CAMK2B: variants seen among roughly 807,000 people sequenced by gnomAD.
The protein encoded by CAMK2B is calcium/calmodulin dependent protein kinase II beta, also known as calcium/calmodulin-dependent protein kinase type II subunit beta.
Under a neutral mutation model 93.7 loss-of-function variants are expected in CAMK2B, and 27 were observed. The ratio of observed to expected loss-of-function variants is 0.29; its 90% CI spans 0.21 to 0.40. The LOEUF is 0.40. Ranked by LOEUF, CAMK2B falls within the 10% of genes least tolerant of loss-of-function variation. The pLI, the probability that CAMK2B is intolerant of heterozygous loss-of-function variation, is 1.00. For missense variants in CAMK2B, 568 were observed against 895.8 expected (o/e 0.63, Z 4.67); for synonymous variants, 374 against 358.8 (o/e 1.04, Z -0.48).
intron 4 of CAMK2B, among the ~76,000 whole-genome samples, chr7:44,255,159 G>A (rs762904409): frequency 1.5e-4 from 23 of 152,134 alleles, no homozygotes; most frequent in Non-Finnish European, 2.9e-4. Context: ...CCTTGGTGGC[G>A]CAGGGTCTTG....
chr7:44,221,463 G>C (rs1048572009), intron 20 of CAMK2B, among the ~76,000 whole-genome samples: 1 of 151,292 alleles, frequency 6.6e-6, no homozygotes, highest in African/African-American at 2.5e-5. Context: ...CCACCCGGAG[G>C]CCGGGGAGGA....
Position 44,287,031 on chromosome 7 carries a change from G to A in CAMK2B, c.66-2806C>T, listed in dbSNP as rs192541442. On this transcript the variant is annotated intron_variant, in intron 1 of 23. Coordinates refer to ENST00000395749, the MANE Select transcript of CAMK2B (RefSeq NM_001220.5). ...GCTCTTGGACACAGGCCTGCAGGTA[G>A]GGTGGAGGGCACCCTCAAGAATAGA... Among the ~76,000 whole-genome samples the A allele has an allele frequency of 6.2e-3, 939 of 152,248 alleles. 14 individuals are homozygous for A. The highest frequency in any genetic ancestry group is 0.022 in the African/African-American group (898 of 41,548).
At chr7:44,310,361 G>A (rs1793206223) in intron 1 of CAMK2B, among the ~76,000 whole-genome samples, 1 of 152,216 alleles carries the variant, frequency 6.6e-6, no homozygotes, top group South Asian at 2.1e-4. Flanking sequence ...GGGGCCGGAA[G>A]GGACTGGAGA....
At chr7:44,240,895 G>GAGCTCCAGGA (rs2096671708) in intron 11 of CAMK2B, 146 bp from the exon 12 acceptor site, 2 of 793,396 alleles carry the variant, frequency 2.5e-6, no homozygotes. Flanking sequence ...AGAGAGGCAA[G>GAGCTCCAGGA]AGCTCCAGGA....
intron 3 of CAMK2B, among the ~76,000 whole-genome samples, chr7:44,259,826 GAAC>G (rs758605847): frequency 5.3e-5 from 8 of 152,308 alleles, no homozygotes; most frequent in Non-Finnish European, 1.0e-4. Context: ...ATGATTGCTA[GAAC>G]AACGAGGACG....
intron 17 of CAMK2B, among the ~76,000 whole-genome samples, 161 bp downstream of exon 17, chr7:44,230,845 A>C (rs2096572418): frequency 6.6e-6 from 1 of 152,102 alleles, no homozygotes; most frequent in Non-Finnish European, 1.5e-5. Flanking sequence ...CCTGACACCC[A>C]GGCTTGGAGC....
At chr7:44,285,487 C>T (rs1417466129) in intron 1 of CAMK2B, among the ~76,000 whole-genome samples, 1 of 152,154 alleles carries the variant, frequency 6.6e-6, no homozygotes, top group Non-Finnish European at 1.5e-5. Flanking sequence ...GCTTCTTCGG[C>T]CTGGACAGCC....
intron 1 of CAMK2B, chr7:44,324,008 G>A: frequency 6.5e-6 from 1 of 154,068 alleles, no homozygotes; most frequent in Non-Finnish European, 1.5e-5. Context: ...CCCCCAGCCA[G>A]CCTGGCCCCC....
At chr7:44,321,211 A>G (rs1197701922) in intron 1 of CAMK2B, among the ~76,000 whole-genome samples, 1 of 152,126 alleles carries the variant, frequency 6.6e-6, no homozygotes, top group African/African-American at 2.4e-5. Flanking sequence ...TGAATTTCCT[A>G]AGTTTATCTA....
intron 5 of CAMK2B, among the ~76,000 whole-genome samples, chr7:44,253,674 T>A (rs1472300025): frequency 6.6e-6 from 1 of 152,224 alleles, no homozygotes; most frequent in African/African-American, 2.4e-5. Context: ...CTCGGCTCAC[T>A]GCAACTTTGA....
intron 2 of CAMK2B, 113 bp from the exon 3 acceptor site, chr7:44,263,177 G>C (rs1438373964): frequency 2.1e-6 from 2 of 967,296 alleles, no homozygotes; most frequent in Non-Finnish European, 3.1e-6. Context: ...GACGAGAGGA[G>C]TGGTTGTGCC....
chr7:44,241,358 G>T (rs1334384018), intron 11 of CAMK2B, among the ~76,000 whole-genome samples: 1 of 152,184 alleles, frequency 6.6e-6, no homozygotes, highest in African/African-American at 2.4e-5. Flanking sequence ...CGGAAGCTTC[G>T]GACTTGCTTG....
At chr7:44,275,562 G>A (rs1324855811) in intron 2 of CAMK2B, among the ~76,000 whole-genome samples, 2 of 152,212 alleles carry the variant, frequency 1.3e-5, no homozygotes, top group African/African-American at 2.4e-5. Context: ...AAATGACAAA[G>A]GACAAAATTT....
At chr7:44,258,728 A>C in intron 4 of CAMK2B, 144 bp downstream of exon 4, 1 of 719,362 alleles carries the variant, frequency 1.4e-6, no homozygotes, top group Non-Finnish European at 2.5e-6. Context: ...AGCTTGGAGC[A>C]AGGGGACCAG....
intron 12 of CAMK2B, 106 bp downstream of exon 12, chr7:44,240,601 C>A: frequency 7.7e-7 from 1 of 1,303,352 alleles, no homozygotes; most frequent in Non-Finnish European, 1.1e-6. Context: ...CGAGGGCAGG[C>A]CTGCCGCAGA....
In CAMK2B at chr7:44,220,538, C is replaced by T. The variant is rs955557100; in HGVS notation, c.1768+78G>A. 1.9e-5 allele frequency: 24 copies of T among 1,258,848 alleles called. No homozygotes were observed. In the South Asian group the frequency reaches 2.9e-4, roughly 15 times the overall value. 78.0% of individuals were successfully genotyped at this position (1,258,848 alleles called of 1,614,324 possible). ...GGACAGGGCTTCCATAGGCAGCCAC[C>T]ATGCTGTCCCTGGGAGGGGCCGAGA... On this transcript the variant is annotated intron_variant, in intron 22 of 23. Coordinates refer to ENST00000395749, the MANE Select transcript of CAMK2B (RefSeq NM_001220.5).
chr7:44,228,475 G>A (rs537988814), intron 19 of CAMK2B, among the ~76,000 whole-genome samples: 1 of 152,226 alleles, frequency 6.6e-6, no homozygotes, highest in Admixed American at 6.5e-5. Context: ...GGGCCTAGGG[G>A]CATGGGGGGC....
intron 1 of CAMK2B, among the ~76,000 whole-genome samples, chr7:44,285,835 G>A (rs1277829660): frequency 9.5e-6 from 1 of 104,906 alleles, no homozygotes; most frequent in Non-Finnish European, 2.0e-5. Context: ...GGCGGAGGGG[G>A]CGCGGTGTGG....
At chr7:44,257,130 A>G (rs1288068157) in intron 4 of CAMK2B, among the ~76,000 whole-genome samples, 3 of 152,088 alleles carry the variant, frequency 2.0e-5, no homozygotes, top group Non-Finnish European at 4.4e-5. Context: ...AAGCAAGGGG[A>G]GTGGGGATAT....
Sources: gnomAD v4.1 joint callset for allele counts (sites outside exome capture counted in the v4.1 genomes callset) on GRCh38, gnomAD v4.1.1 for gene constraint, MANE v1.5 for transcripts, NCBI Gene and HGNC (gene_info 2026-07-23, HGNC 2026-07-21) for gene names.